ITPR1: variants seen among roughly 807,000 people sequenced by gnomAD.
The protein encoded by ITPR1 is inositol 1,4,5-trisphosphate receptor type 1.
In ITPR1, 96 loss-of-function variants were observed where a neutral mutation model predicts 318.4. The observed-to-expected ratio is 0.30, with a 90% CI of 0.26 to 0.36. The LOEUF (loss-of-function observed/expected upper bound fraction) is 0.36. ITPR1 is among the 10% of genes least tolerant of loss of function. The pLI is 1.00. For synonymous variants in ITPR1, 1,312 were observed against 1,289.9 expected, an observed-to-expected ratio of 1.02 and a Z score of -0.37; for missense variants, 2,440 against 3,460.2, an observed-to-expected ratio of 0.71 and a Z score of 7.40.
chr3:4,825,733 G>C (rs765496223), intron 60 of ITPR1: 2 of 456,556 alleles, frequency 4.4e-6, no homozygotes, highest in Non-Finnish European at 8.8e-6. Context: ...AGGGGAACTG[G>C]CTGAAGTCTT....
At chr3:4,818,534 TCCATAGC>T (rs2049456827) in intron 60 of ITPR1, among the ~76,000 whole-genome samples, 1 of 152,186 alleles carries the variant, frequency 6.6e-6, no homozygotes, top group Non-Finnish European at 1.5e-5. Flanking sequence ...TGGATCAAAC[TCCATAGC>T]CCGATTTCCT....
intron 5 of ITPR1, among the ~76,000 whole-genome samples, chr3:4,631,189 G>A (rs1420656850): frequency 6.6e-6 from 1 of 152,184 alleles, no homozygotes; most frequent in African/African-American, 2.4e-5. Flanking sequence ...ATATCCAGTG[G>A]TGACCCTCTG....
At chr3:4,747,358 G>C (rs1207594524) in intron 44 of ITPR1, among the ~76,000 whole-genome samples, 1 of 152,172 alleles carries the variant, frequency 6.6e-6, no homozygotes, top group African/African-American at 2.4e-5. Flanking sequence ...AGAGCCAGCT[G>C]GTAGTTGTTC....
intron 60 of ITPR1, among the ~76,000 whole-genome samples, chr3:4,832,291 T>C (rs914145304): frequency 6.6e-6 from 1 of 152,220 alleles, no homozygotes; most frequent in Admixed American, 6.5e-5. Context: ...ATCTTTGCAT[T>C]GAAGGCCTCC....
intron 60 of ITPR1, among the ~76,000 whole-genome samples, chr3:4,835,856 G>T (rs1037138145): frequency 6.6e-6 from 1 of 152,158 alleles, no homozygotes; most frequent in African/African-American, 2.4e-5. Flanking sequence ...CTGTTTACAG[G>T]CATAAGCTAT....
At chr3:4,687,833 A>C (rs1253700675) in intron 30 of ITPR1, among the ~76,000 whole-genome samples, 1 of 152,176 alleles carries the variant, frequency 6.6e-6, no homozygotes, top group Non-Finnish European at 1.5e-5. Context: ...TGAGGTTAAA[A>C]ATTGTACTTG....
In ITPR1 at chr3:4,674,263, T is replaced by A. The variant is rs756182708; in HGVS notation, c.2518T>A (p.Phe840Ile). 1 of 1,583,458 alleles carries A rather than the reference T, an allele frequency of 6.3e-7. No individual in the cohort carries two copies. The highest frequency in any genetic ancestry group is 8.6e-7 in the Non-Finnish European group (1 of 1,162,700). Reference protein sequence around the residue: ...IKERFAQTMEFVEEYLRDVVC... With the variant: ...IKERFAQTMEIVEEYLRDVVC... ...GGAGAGATTTGCTCAGACCATGGAG[T>A]TTGTGGAGGAGTATTTAAGAGATGT... The change falls in exon 22 of 62, where the codon TTT (phenylalanine) becomes ATT (isoleucine). Residue 840 changes from phenylalanine (F) to isoleucine (I), a missense_variant. Phe to Ile is a conservative substitution (Grantham distance 21). Transcript: ENST00000649015.
intron 3 of ITPR1, among the ~76,000 whole-genome samples, chr3:4,519,262 C>G (rs2082381400): frequency 6.6e-6 from 1 of 152,002 alleles, no homozygotes; most frequent in Non-Finnish European, 1.5e-5. Flanking sequence ...GAGTCTCACT[C>G]TGTCGCCAGG....
At chr3:4,641,229 A>T (rs1464080361) in intron 6 of ITPR1, among the ~76,000 whole-genome samples, 4 of 152,144 alleles carry the variant, frequency 2.6e-5, no homozygotes, top group African/African-American at 9.7e-5. Flanking sequence ...GTCTAGACTG[A>T]CTATCAGACA....
chr3:4,625,142 C>G (rs17041049), intron 4 of ITPR1, among the ~76,000 whole-genome samples: 1,902 of 151,990 alleles, frequency 0.013, 42 homozygotes, highest in African/African-American at 0.044. Flanking sequence ...TTATAACTGC[C>G]TGTGACTAGG....
chr3:4,689,204 A>G (rs1285674901), intron 31 of ITPR1, among the ~76,000 whole-genome samples: 2 of 152,238 alleles, frequency 1.3e-5, no homozygotes, highest in African/African-American at 2.4e-5. Flanking sequence ...ATGACATTCC[A>G]TAGAATGGCT....
At chr3:4,744,985 CCCT>C (rs1479985494) in intron 44 of ITPR1, among the ~76,000 whole-genome samples, 2 of 140,770 alleles carry the variant, frequency 1.4e-5, no homozygotes, top group Non-Finnish European at 3.0e-5. Context: ...TCCCCTCTTT[CCCT>C]CCTTCTCTCC....
chr3:4,743,752 G>C (rs938101654), intron 44 of ITPR1, among the ~76,000 whole-genome samples: 1 of 152,184 alleles, frequency 6.6e-6, no homozygotes. Context: ...GGAAGGGGGA[G>C]GGGAAGAACT....
intron 34 of ITPR1, 76 bp downstream of exon 34, chr3:4,697,348 G>A: frequency 1.4e-6 from 2 of 1,398,614 alleles, no homozygotes; most frequent in Admixed American, 2.1e-5. Flanking sequence ...GTGTGTGTGT[G>A]TGTGTAGCAT....
chr3:4,568,330 C>G (rs963120691), intron 4 of ITPR1, among the ~76,000 whole-genome samples: 7 of 152,226 alleles, frequency 4.6e-5, no homozygotes, highest in African/African-American at 1.7e-4. Flanking sequence ...TCTATTTTAA[C>G]TTCTCTTTTA....
At chr3:4,679,812 A>G (rs567428445) in intron 24 of ITPR1, among the ~76,000 whole-genome samples, 20 of 152,336 alleles carry the variant, frequency 1.3e-4, no homozygotes, top group Non-Finnish European at 2.6e-4. Context: ...AACAGTCTGT[A>G]GGACACATAC....
intron 8 of ITPR1, 57 bp downstream of exon 8, chr3:4,644,291 A>G: frequency 1.7e-6 from 2 of 1,197,410 alleles, no homozygotes; most frequent in South Asian, 2.7e-5. Context: ...CGGGTCTGGC[A>G]GGCGCCAGTG....
At chr3:4,803,723 G>T (rs184357981) in intron 54 of ITPR1, among the ~76,000 whole-genome samples, 68 of 152,190 alleles carry the variant, frequency 4.5e-4, no homozygotes, top group Non-Finnish European at 7.9e-4. Flanking sequence ...TTCTTCTCTG[G>T]CCTTCTCTGA....
intron 44 of ITPR1, among the ~76,000 whole-genome samples, chr3:4,738,145 G>A (rs187898166): frequency 1.5e-3 from 229 of 152,136 alleles, no homozygotes; most frequent in African/African-American, 5.2e-3. Flanking sequence ...AGCAATCTAT[G>A]TGATAAACCC....
Sources: gnomAD v4.1 joint callset for allele counts (sites outside exome capture counted in the v4.1 genomes callset) on GRCh38, gnomAD v4.1.1 for gene constraint, MANE v1.5 for transcripts, NCBI Gene and HGNC (gene_info 2026-07-23, HGNC 2026-07-21) for gene names.